The following HMG20A variants were observed in gnomAD, a reference collection of about 807,000 sequenced individuals.
HMG20A encodes the protein high mobility group protein 20A.
In HMG20A, 17 loss-of-function variants were observed where a neutral mutation model predicts 43.9. The observed-to-expected ratio is 0.39, with a 90% CI of 0.27 to 0.58. The LOEUF (loss-of-function observed/expected upper bound fraction) is 0.58. Ranked by LOEUF, HMG20A falls within the 20% of genes least tolerant of loss-of-function variation. The pLI is 0.59. For missense variants in HMG20A, 341 were observed against 438.2 expected (o/e 0.78, Z 1.98); for synonymous variants, 132 against 147.5 (o/e 0.89, Z 0.76).
chr15:77,461,110 A>C (rs190487984), intron 2 of HMG20A, among the ~76,000 whole-genome samples: 1 of 152,172 alleles, frequency 6.6e-6, no homozygotes, highest in Non-Finnish European at 1.5e-5. Flanking sequence ...TGAAAAAAAA[A>C]AAGTATTTCA....
At chr15:77,457,767 T>G (rs891174639) in intron 1 of HMG20A, among the ~76,000 whole-genome samples, 6 of 152,238 alleles carry the variant, frequency 3.9e-5, no homozygotes, top group African/African-American at 1.4e-4. Flanking sequence ...TTTCTTTGAC[T>G]GAGAGCCACA....
intron 1 of HMG20A, among the ~76,000 whole-genome samples, chr15:77,455,081 GC>G (rs2072642072): frequency 6.6e-6 from 1 of 151,536 alleles, no homozygotes; most frequent in African/African-American, 2.4e-5. Flanking sequence ...TAAGAAAAGG[GC>G]ACTTGAAAAG....
downstream of HMG20A, among the ~76,000 whole-genome samples, chr15:77,490,144 T>C (rs2072964862): frequency 6.6e-6 from 1 of 152,036 alleles, no homozygotes; most frequent in Non-Finnish European, 1.5e-5. Flanking sequence ...CAAAATTAGC[T>C]GGACGTGGTG....
At chr15:77,437,516 G>A (rs1413418416) in intron 1 of HMG20A, among the ~76,000 whole-genome samples, 1 of 152,158 alleles carries the variant, frequency 6.6e-6, no homozygotes, top group Non-Finnish European at 1.5e-5. Context: ...AGTGTGTGCA[G>A]ATTTTATTTA....
chr15:77,471,172 C>A, intron 5 of HMG20A, 130 bp downstream of exon 5: 1 of 843,760 alleles, frequency 1.2e-6, no homozygotes, highest in Non-Finnish European at 1.7e-6. Flanking sequence ...TATTCACTTA[C>A]AAGCATTATC....
intron 6 of HMG20A, 22 bp from the exon 7 acceptor site, chr15:77,477,532 GT>G (rs763257127): frequency 1.3e-6 from 2 of 1,540,124 alleles, no homozygotes; most frequent in African/African-American, 1.4e-5. Context: ...AGAATTAACT[GT>G]TTTGTTCCTC....
At chr15:77,488,008 A>G (rs2072954674), downstream of HMG20A, among the ~76,000 whole-genome samples, 4 of 152,224 alleles carry the variant, frequency 2.6e-5, no homozygotes, top group African/African-American at 9.6e-5. Flanking sequence ...CTTTTGCCAG[A>G]GGTAGAAATG....
At chr15:77,423,829 G>A (rs1320612986) in intron 1 of HMG20A, among the ~76,000 whole-genome samples, 1 of 152,122 alleles carries the variant, frequency 6.6e-6, no homozygotes, top group Non-Finnish European at 1.5e-5. Context: ...TTGCCGTAGG[G>A]TTGAGGATTA....
chr15:77,449,628 C>T (rs929575096), intron 1 of HMG20A, among the ~76,000 whole-genome samples: 5 of 152,010 alleles, frequency 3.3e-5, no homozygotes, highest in Admixed American at 3.3e-4. Context: ...TATAATATGG[C>T]AATTTTAAAA....
intron 1 of HMG20A, among the ~76,000 whole-genome samples, chr15:77,430,833 G>A (rs1270234943): frequency 6.6e-6 from 1 of 152,156 alleles, no homozygotes; most frequent in Non-Finnish European, 1.5e-5. Context: ...GCAACAATAT[G>A]AAACTATTAC....
At chr15:77,466,403 T>C (rs757631751) in intron 3 of HMG20A, among the ~76,000 whole-genome samples, 30 of 151,962 alleles carry the variant, frequency 2.0e-4, no homozygotes, top group Non-Finnish European at 4.0e-4. Flanking sequence ...TAAAATAAAA[T>C]GTACATCTAA....
chr15:77,467,780 A>G (rs2072769918), intron 4 of HMG20A, among the ~76,000 whole-genome samples: 1 of 152,214 alleles, frequency 6.6e-6, no homozygotes, highest in Admixed American at 6.5e-5. Flanking sequence ...AGCAAGAACA[A>G]CTTGAATTCT....
At chr15:77,430,005 A>G (rs995496448) in intron 1 of HMG20A, among the ~76,000 whole-genome samples, 56 of 152,216 alleles carry the variant, frequency 3.7e-4, no homozygotes, top group African/African-American at 1.4e-3. Flanking sequence ...GTTATTGAAA[A>G]CTGGTGTTCT....
intron 1 of HMG20A, 32 bp downstream of exon 1, chr15:77,421,036 C>T: frequency 2.5e-6 from 1 of 398,584 alleles, no homozygotes; most frequent in Non-Finnish European, 4.4e-6. Flanking sequence ...GGGGGTGGCC[C>T]CAGTCGAGAT....
At chr15:77,486,727 A>T (rs2072947420), downstream of HMG20A, among the ~76,000 whole-genome samples, 1 of 151,992 alleles carries the variant, frequency 6.6e-6, no homozygotes, top group African/African-American at 2.4e-5. Context: ...ATTTGTTTCA[A>T]CTCCAGTTTC....
chr15:77,487,255 A>G (rs1248136758), downstream of HMG20A, among the ~76,000 whole-genome samples: 1 of 152,210 alleles, frequency 6.6e-6, no homozygotes, highest in South Asian at 2.1e-4. Flanking sequence ...TCATTTTTGC[A>G]TGGACGTCAC....
intron 1 of HMG20A, among the ~76,000 whole-genome samples, chr15:77,430,339 A>C (rs767381381): frequency 6.6e-6 from 1 of 152,214 alleles, no homozygotes. Context: ...AGCCCAAGCT[A>C]TGGTTTCCAC....
intron 5 of HMG20A, 48 bp from the exon 6 acceptor site, chr15:77,471,735 T>C: frequency 5.3e-6 from 7 of 1,309,918 alleles, no homozygotes; most frequent in Non-Finnish European, 6.6e-6. Context: ...GGTTTTGTTA[T>C]TGCTTTCTTT....
At chr15:77,432,311 A>G (rs1158738029) in intron 1 of HMG20A, among the ~76,000 whole-genome samples, 2 of 152,246 alleles carry the variant, frequency 1.3e-5, no homozygotes, top group African/African-American at 4.8e-5. Context: ...ATTAGAATAG[A>G]AAAAAGTAAA....
Sources: gnomAD v4.1 joint callset for allele counts (sites outside exome capture counted in the v4.1 genomes callset) on GRCh38, gnomAD v4.1.1 for gene constraint, MANE v1.5 for transcripts, NCBI Gene and HGNC (gene_info 2026-07-23, HGNC 2026-07-21) for gene names.